Variants in KIF16B observed in about 807,000 individuals in gnomAD.
KIF16B encodes kinesin-like protein KIF16B.
Under a neutral mutation model 156.3 loss-of-function variants are expected in KIF16B, and 98 were observed. The ratio of observed to expected loss-of-function variants is 0.63; its 90% CI spans 0.53 to 0.74. The LOEUF (loss-of-function observed/expected upper bound fraction) is 0.74. KIF16B is among the 30% of genes least tolerant of loss of function. The pLI, the probability that KIF16B is intolerant of heterozygous loss-of-function variation, is 0.00. For synonymous variants in KIF16B, 564 were observed against 583.7 expected (o/e 0.97, Z 0.49); for missense variants, 1,421 against 1,606.5 (o/e 0.88, Z 1.97).
intron 17 of KIF16B, among the ~76,000 whole-genome samples, chr20:16,395,653 T>G (rs909034208): frequency 5.4e-4 from 79 of 146,388 alleles, no homozygotes; most frequent in African/African-American, 1.9e-3. Flanking sequence ...AGCAAGTAGC[T>G]CAGCACAGAA....
chr20:16,524,420 A>C (rs907597000), intron 3 of KIF16B, among the ~76,000 whole-genome samples: 2 of 152,204 alleles, frequency 1.3e-5, no homozygotes, highest in Admixed American at 6.5e-5. Context: ...AAACATACGA[A>C]AAAAAAGCTC....
At chr20:16,391,881 T>C (rs1052357471) in intron 17 of KIF16B, among the ~76,000 whole-genome samples, 1 of 152,174 alleles carries the variant, frequency 6.6e-6, no homozygotes, top group Admixed American at 6.5e-5. Context: ...GGGCTTTCTG[T>C]AAGGCACAGA....
chr20:16,504,259 T>G, intron 10 of KIF16B, 113 bp downstream of exon 10: 1 of 1,055,828 alleles, frequency 9.5e-7, no homozygotes, highest in South Asian at 1.5e-5. Context: ...AAGCTTTACT[T>G]AGCACTTATT....
intron 1 of KIF16B, among the ~76,000 whole-genome samples, chr20:16,565,174 T>A (rs528590139): frequency 1.3e-5 from 2 of 152,348 alleles, no homozygotes; most frequent in East Asian, 3.9e-4. Context: ...TGTTGTGGCC[T>A]CAGGACGCTT....
At chr20:16,331,280 A>C (rs895513873) in intron 24 of KIF16B, among the ~76,000 whole-genome samples, 1 of 152,250 alleles carries the variant, frequency 6.6e-6, no homozygotes, top group Non-Finnish European at 1.5e-5. Flanking sequence ...AAAAGAAAAC[A>C]AATCTCCATC....
intron 15 of KIF16B, among the ~76,000 whole-genome samples, chr20:16,423,497 C>T (rs905439702): frequency 3.3e-5 from 5 of 152,062 alleles, no homozygotes; most frequent in Non-Finnish European, 7.4e-5. Flanking sequence ...TGTTTTACTT[C>T]CCACGATTCT....
chr20:16,277,802 A>T (rs1453453124), intron 25 of KIF16B, among the ~76,000 whole-genome samples: 1 of 152,200 alleles, frequency 6.6e-6, no homozygotes, highest in East Asian at 1.9e-4. Flanking sequence ...GAAATCCAAT[A>T]TCCAATCTGT....
In KIF16B at chr20:16,298,752, C is replaced by G. The variant is rs149574686; in HGVS notation, c.3795+13583G>C. Among the ~76,000 whole-genome samples the G allele has an allele frequency of 6.6e-5, 10 of 152,202 alleles. No homozygotes were observed. In the East Asian group the frequency reaches 1.5e-3, roughly 24 times the overall value. ...ATAAAGTGTTCTTGCAAAAAAAAAT[C>G]AAACCTGAACTTAATCAAGCCTCTG... On this transcript the variant is annotated intron_variant, in intron 25 of 25. Coordinates refer to ENST00000354981, the MANE Select transcript of KIF16B (RefSeq NM_024704.5).
At chr20:16,381,311 A>G (rs867967822) in intron 18 of KIF16B, among the ~76,000 whole-genome samples, 4 of 152,186 alleles carry the variant, frequency 2.6e-5, no homozygotes, top group Non-Finnish European at 5.9e-5. Flanking sequence ...GCAGGCAGGT[A>G]GAAGGAAGGC....
chr20:16,284,624 C>T (rs1234545078), intron 25 of KIF16B, among the ~76,000 whole-genome samples: 2 of 152,196 alleles, frequency 1.3e-5, no homozygotes, highest in Non-Finnish European at 2.9e-5. Context: ...GGACACTCTC[C>T]CTTTCGCCAT....
chr20:16,391,934 CAG>C (rs1290294185), intron 17 of KIF16B, among the ~76,000 whole-genome samples: 3 of 152,160 alleles, frequency 2.0e-5, no homozygotes, highest in African/African-American at 7.2e-5. Flanking sequence ...GTTTTGAAGA[CAG>C]TGGCATGAGC....
chr20:16,279,464 C>T lies in KIF16B; in HGVS notation c.3796-6053G>A, dbSNP rs537402973. On this transcript the variant is annotated intron_variant, in intron 25 of 25. Coordinates refer to ENST00000354981, the MANE Select transcript of KIF16B (RefSeq NM_024704.5). ...TGATTCCATCTGTTTACTGTGGTGA[C>T]AGTCATTTTCTACTGTTTACCATCA... Among the ~76,000 whole-genome samples, 3 of 152,306 alleles carry T rather than the reference C, an allele frequency of 2.0e-5. No individual in the cohort carries two copies. In the South Asian group the frequency reaches 6.2e-4, roughly 32 times the overall value.
intron 25 of KIF16B, among the ~76,000 whole-genome samples, chr20:16,275,476 T>C (rs992110082): frequency 6.6e-6 from 1 of 152,232 alleles, no homozygotes; most frequent in African/African-American, 2.4e-5. Context: ...CCTAACTTTA[T>C]GTTATCCTTA....
At chr20:16,370,537 C>G (rs771354103) in intron 22 of KIF16B, 49 bp downstream of exon 22, 6 of 1,420,004 alleles carry the variant, frequency 4.2e-6, no homozygotes, top group Non-Finnish European at 5.7e-6. Context: ...ATCACATGAG[C>G]ATGCCATAAT....
intron 1 of KIF16B, among the ~76,000 whole-genome samples, chr20:16,552,167 T>C (rs1252099490): frequency 6.6e-6 from 1 of 152,152 alleles, no homozygotes; most frequent in African/African-American, 2.4e-5. Context: ...CCCCCTTAGG[T>C]TTCATGGCTC....
intron 1 of KIF16B, among the ~76,000 whole-genome samples, chr20:16,568,776 C>A (rs747598085): frequency 5.3e-5 from 7 of 133,120 alleles, no homozygotes; most frequent in Admixed American, 5.2e-4. Context: ...CACGACTCTG[C>A]GCCACTGCAC....
intron 25 of KIF16B, among the ~76,000 whole-genome samples, chr20:16,273,661 CTCAATCAATCAA>C (rs35085462): frequency 2.9e-4 from 43 of 149,398 alleles, no homozygotes; most frequent in Middle Eastern, 3.4e-3. Context: ...AAGACCCTGT[CTCAATCAATCAA>C]TCAATCAATC....
chr20:16,386,938 A>C (rs2065243597), intron 17 of KIF16B, among the ~76,000 whole-genome samples: 1 of 152,202 alleles, frequency 6.6e-6, no homozygotes, highest in African/African-American at 2.4e-5. Flanking sequence ...ACTAGCTATT[A>C]ATCCTATAGC....
intron 25 of KIF16B, among the ~76,000 whole-genome samples, chr20:16,275,820 T>A (rs2063052787): frequency 6.6e-6 from 1 of 152,176 alleles, no homozygotes; most frequent in Non-Finnish European, 1.5e-5. Flanking sequence ...CCTGAGAATA[T>A]CAACTTTAAA....
Sources: gnomAD v4.1 joint callset for allele counts (sites outside exome capture counted in the v4.1 genomes callset) on GRCh38, gnomAD v4.1.1 for gene constraint, MANE v1.5 for transcripts, NCBI Gene and HGNC (gene_info 2026-07-23, HGNC 2026-07-21) for gene names.